Variants in HDAC4 observed in about 807,000 individuals in gnomAD.
HDAC4 encodes the protein histone deacetylase 4.
In HDAC4, 16 loss-of-function variants were observed where a neutral mutation model predicts 135.1. That is an observed-to-expected ratio of 0.12 (90% CI 0.08 to 0.18). The LOEUF is 0.18. Ranked by LOEUF, HDAC4 falls within the 10% of genes least tolerant of loss-of-function variation. The pLI is 1.00. For synonymous variants in HDAC4, 685 were observed against 653.4 expected (o/e 1.05, Z -0.74); for missense variants, 1,143 against 1,511.8 (o/e 0.76, Z 4.05).
At chr2:239,107,173 C>T (rs2038220459) in intron 15 of HDAC4, among the ~76,000 whole-genome samples, 1 of 152,258 alleles carries the variant, frequency 6.6e-6, no homozygotes, top group South Asian at 2.1e-4. Flanking sequence ...CCTGTGACAG[C>T]TGCCTCCAGG....
intron 2 of HDAC4, among the ~76,000 whole-genome samples, chr2:239,266,391 C>T (rs2049731036): frequency 6.6e-6 from 1 of 152,218 alleles, no homozygotes; most frequent in Non-Finnish European, 1.5e-5. Context: ...GACCTCCGCA[C>T]AGCCATCCTG....
chr2:239,360,569 C>A (rs771947603), intron 1 of HDAC4, among the ~76,000 whole-genome samples: 18 of 152,190 alleles, frequency 1.2e-4, no homozygotes, highest in African/African-American at 1.7e-4. Flanking sequence ...TGAGAGCAAA[C>A]GGGAACATGT....
At position 239,285,498 on chromosome 2, in the gene HDAC4, C is replaced by T. The variant is rs985027543; in HGVS notation, c.23-48834G>A. Among the ~76,000 whole-genome samples, 2 of 152,178 alleles carry T rather than the reference C, an allele frequency of 1.3e-5. No individual in the cohort carries two copies. Among genetic ancestry groups the T allele is most frequent in the African/African-American group, 4.8e-5 (2 of 41,442 alleles). ...GCCGGCTGCCAGCAAGTGTCTCCGC[C>T]GCGGGACCTGTCATCCCAGCTGGTG... On this transcript the variant is annotated intron_variant, in intron 2 of 26. Transcript: ENST00000543185. This position sits in a 1 kb window ranked among gnomAD's most constrained non-coding sequence, Gnocchi z 4.5.
rs142632861 is a variant in HDAC4 at position 239,205,686 on chromosome 2, A to AGAGGAGGAG, written c.95-15618_95-15610dup. 3.3e-3 allele frequency among the ~76,000 whole-genome samples: 496 copies of AGAGGAGGAG among 151,700 alleles called. 3 individuals carry two copies. The highest frequency in any genetic ancestry group is 0.012 in the African/African-American group (479 of 41,334). ...CAGGAAGAAGAAGAAAGAAGAAGGAAGAGGAGGAGGAGGAGGAGGGGAGGA... is the reference window on the plus strand; with the variant it reads ...CAGGAAGAAGAAGAAAGAAGAAGGAAGAGGAGGAGGAGGAGGAGGAGGAGGAGGGGAGGA... On this transcript the variant is annotated intron_variant, in intron 3 of 26. Coordinates refer to ENST00000543185, the MANE Select transcript of HDAC4 (RefSeq NM_001378414.1).
At chr2:239,371,679 G>A (rs117200298) in intron 1 of HDAC4, among the ~76,000 whole-genome samples, 4 of 152,172 alleles carry the variant, frequency 2.6e-5, no homozygotes, top group East Asian at 1.9e-4. Flanking sequence ...ACACACACAC[G>A]TGTGTGGCAA....
intron 1 of HDAC4, among the ~76,000 whole-genome samples, chr2:239,360,713 T>G (rs1253582363): frequency 1.3e-5 from 2 of 151,548 alleles, no homozygotes; most frequent in Non-Finnish European, 2.9e-5. Flanking sequence ...CCTGGTCCCT[T>G]GGGAAAGAGT....
chr2:239,217,210 C>T (rs1411294260), intron 3 of HDAC4, among the ~76,000 whole-genome samples: 3 of 152,058 alleles, frequency 2.0e-5, no homozygotes, highest in South Asian at 2.1e-4. Context: ...CTCCAGGAGC[C>T]GGCAGCATCG....
At chr2:239,130,463 A>C (rs1252867513) in intron 11 of HDAC4, among the ~76,000 whole-genome samples, 5 of 151,986 alleles carry the variant, frequency 3.3e-5, no homozygotes, top group Non-Finnish European at 7.4e-5. Flanking sequence ...TAGCCTTAAG[A>C]CGCTGGTGGC....
At chr2:239,266,930 T>G (rs1485334030) in intron 2 of HDAC4, among the ~76,000 whole-genome samples, 1 of 152,128 alleles carries the variant, frequency 6.6e-6, no homozygotes, top group Non-Finnish European at 1.5e-5. Flanking sequence ...CCCTAACCAC[T>G]GGAGGTCCCC....
chr2:239,366,187 CACAT>C (rs1694203092), intron 1 of HDAC4, among the ~76,000 whole-genome samples: 1 of 150,344 alleles, frequency 6.7e-6, no homozygotes, highest in South Asian at 2.1e-4. Flanking sequence ...CACTATGTGA[CACAT>C]ACAGACATGC....
At chr2:239,104,999 C>T (rs1042540289) in intron 15 of HDAC4, among the ~76,000 whole-genome samples, 4 of 152,208 alleles carry the variant, frequency 2.6e-5, no homozygotes, top group African/African-American at 9.7e-5. Context: ...TCGGGCTGTG[C>T]GTGCGGGACA....
intron 16 of HDAC4, among the ~76,000 whole-genome samples, chr2:239,095,847 C>T (rs898471515): frequency 7.2e-5 from 11 of 152,216 alleles, no homozygotes; most frequent in African/African-American, 2.4e-4. Flanking sequence ...GCGGGACCTA[C>T]CATTCCTAGC....
chr2:239,319,243 A>G (rs2053227225), intron 2 of HDAC4, among the ~76,000 whole-genome samples: 1 of 152,276 alleles, frequency 6.6e-6, no homozygotes, highest in Admixed American at 6.5e-5. Flanking sequence ...TTTAAGGAGC[A>G]GTGGCCATAG....
chr2:239,290,415 T>C (rs564644410), intron 2 of HDAC4, among the ~76,000 whole-genome samples: 2 of 152,344 alleles, frequency 1.3e-5, no homozygotes, highest in Non-Finnish European at 2.9e-5. Flanking sequence ...GCCCATTTTA[T>C]GTGGCTGAAG....
rs1490984440 is a variant in HDAC4 at position 239,300,643 on chromosome 2, C to T, written c.22+52035G>A. On this transcript the variant is annotated intron_variant, in intron 2 of 26. Coordinates refer to ENST00000543185, the MANE Select transcript of HDAC4 (RefSeq NM_001378414.1). Reference sequence around the variant, plus strand: ...CTCCACCCATGTGGATGAAGCCAGGCTGAGCTTCCCTGCAGAACAGGAATG... The same window carrying T: ...CTCCACCCATGTGGATGAAGCCAGGTTGAGCTTCCCTGCAGAACAGGAATG... Among the ~76,000 whole-genome samples, 6 of 152,170 alleles carry T rather than the reference C, an allele frequency of 3.9e-5. No individual in the cohort carries two copies. The East Asian group carries it at 1.2e-3, about 29-fold the overall frequency.
intron 24 of HDAC4, among the ~76,000 whole-genome samples, chr2:239,062,091 T>G (rs1037119699): frequency 1.3e-5 from 2 of 152,272 alleles, no homozygotes; most frequent in African/African-American, 4.8e-5. Flanking sequence ...CCATCTACAC[T>G]GCAACATGCA....
At chr2:239,117,707 C>A (rs2039269987) in intron 12 of HDAC4, among the ~76,000 whole-genome samples, 1 of 152,108 alleles carries the variant, frequency 6.6e-6, no homozygotes, top group Admixed American at 6.5e-5. Flanking sequence ...GTCCCACAAT[C>A]CCAAAGTCCC....
At chr2:239,324,714 G>A (rs552918102) in intron 2 of HDAC4, among the ~76,000 whole-genome samples, 2 of 152,340 alleles carry the variant, frequency 1.3e-5, no homozygotes, top group African/African-American at 4.8e-5. Context: ...GTCTCCTGTG[G>A]AAACCCTGGT....
intron 2 of HDAC4, among the ~76,000 whole-genome samples, chr2:239,249,946 C>T (rs906973082): frequency 2.0e-5 from 3 of 152,194 alleles, no homozygotes; most frequent in Non-Finnish European, 4.4e-5. Context: ...GACAGCTGTG[C>T]TCCTTCCTGC....
Sources: allele counts gnomAD v4.1 joint callset (sites outside exome capture counted in the v4.1 genomes callset), GRCh38; gene constraint gnomAD v4.1.1; non-coding constraint Gnocchi (gnomAD v3.1); transcripts MANE v1.5; gene names NCBI Gene and HGNC (gene_info 2026-07-23, HGNC 2026-07-21).